Variants in IAH1 observed in about 807,000 individuals in gnomAD.
IAH1 encodes the protein isoamyl acetate-hydrolyzing esterase 1 homolog.
IAH1 carries 24 observed loss-of-function variants against 26.7 expected under a neutral mutation model. The observed-to-expected ratio is 0.90, with a 90% confidence interval of 0.65 to 1.26. IAH1 has a LOEUF of 1.26. IAH1 is among the 50% of genes most tolerant of loss of function. The pLI, the probability that IAH1 is intolerant of heterozygous loss-of-function variation, is 0.00. For missense variants in IAH1, 300 were observed against 299.9 expected (o/e 1.00, Z 0.00); for synonymous variants, 140 against 118.5 (o/e 1.18, Z -1.18).
chr2:9,484,480 C>A lies in IAH1; in HGVS notation c.494C>A (p.Ala165Glu), dbSNP rs375131640. 4 of 1,614,034 alleles carry A rather than the reference C, an allele frequency of 2.5e-6. No homozygotes were observed. The highest frequency in any genetic ancestry group is 2.5e-6 in the Non-Finnish European group (3 of 1,180,012). Residue 165 changes from alanine to glutamate, a missense_variant, in exon 5 of 6, where the codon GCG becomes GAG. By Grantham distance (107) the Ala-to-Glu change is moderately radical (BLOSUM62 -1). Transcript: ENST00000497473. ...TCTGTTGTTGGTGAATATGCCAATGCGTGTTTACAAGTGGCCCAAGACTGT... is the reference window on the plus strand; with the variant it reads ...TCTGTTGTTGGTGAATATGCCAATGAGTGTTTACAAGTGGCCCAAGACTGT... The part of the protein sequence containing the change: ...LNSVVGEYAN[A>E]CLQVAQDCGT...
At chr2:9,484,103 C>G (rs1332472817) in intron 4 of IAH1, among the ~76,000 whole-genome samples, 1 of 152,216 alleles carries the variant, frequency 6.6e-6, no homozygotes, top group Non-Finnish European at 1.5e-5. Context: ...CTGCAGCCGG[C>G]ACTCTCCAAG....
the IAH1 span, among the ~76,000 whole-genome samples, chr2:9,508,846 A>G: frequency 6.6e-6 from 1 of 152,208 alleles, no homozygotes. Flanking sequence ...AGGTTGGAAG[A>G]GTAGACAAAA....
chr2:9,492,768 C>CA (rs554850540), downstream of IAH1: 2 of 678,080 alleles, frequency 2.9e-6, no homozygotes, highest in Non-Finnish European at 4.7e-6. Context: ...GGAATAACAA[C>CA]AAAAAAAGCT....
chr2:9,508,739 C>A, the IAH1 span, among the ~76,000 whole-genome samples: 1 of 152,118 alleles, frequency 6.6e-6, no homozygotes, highest in African/African-American at 2.4e-5. Flanking sequence ...ATCCCCCGCC[C>A]CGCAGCAGAA....
At position 9,484,494 on chromosome 2, in the gene IAH1, G is replaced by T; in HGVS notation, c.508G>T (p.Ala170Ser). ...ATATGCCAATGCGTGTTTACAAGTG[G>T]CCCAAGACTGTGGGACTGACGTACT... ...GEYANACLQV[A>S]QDCGTDVLDL... Residue 170 changes from alanine to serine, a missense_variant, in exon 5 of 6, where the codon GCC becomes TCC. Transcript: ENST00000497473. 6.2e-7 allele frequency: 1 copy of T among 1,614,196 alleles called. No individual in the cohort carries two copies. Among genetic ancestry groups the T allele is most frequent in the Non-Finnish European group, 8.5e-7 (1 of 1,180,032 alleles).
downstream of IAH1, chr2:9,490,210 C>G (rs1662007729): frequency 1.1e-5 from 17 of 1,599,720 alleles, no homozygotes; most frequent in Non-Finnish European, 1.5e-5. Flanking sequence ...CAACACGATT[C>G]TGACGCTGCA....
the IAH1 span, chr2:9,502,285 G>T: frequency 4.4e-6 from 7 of 1,601,916 alleles, no homozygotes; most frequent in South Asian, 1.1e-5. Context: ...CACTGGAGAA[G>T]AACAGCAGAC....
At chr2:9,508,428 T>G in the IAH1 span, among the ~76,000 whole-genome samples, 1 of 152,198 alleles carries the variant, frequency 6.6e-6, no homozygotes, top group Non-Finnish European at 1.5e-5. Flanking sequence ...ACAACTTTAT[T>G]AAGACATATT....
At chr2:9,494,313 T>C (rs780737711), downstream of IAH1, among the ~76,000 whole-genome samples, 1 of 152,172 alleles carries the variant, frequency 6.6e-6, no homozygotes, top group South Asian at 2.1e-4. Flanking sequence ...CTGAATAATT[T>C]TGCAATCTTA....
chr2:9,475,205 C>T (rs1024518947), intron 1 of IAH1: 2 of 1,289,126 alleles, frequency 1.6e-6, no homozygotes, highest in African/African-American at 3.0e-5. Flanking sequence ...AGGGAACGGT[C>T]TTCTAAATGC....
At chr2:9,501,672 G>A in the IAH1 span, among the ~76,000 whole-genome samples, 1 of 152,116 alleles carries the variant, frequency 6.6e-6, no homozygotes, top group African/African-American at 2.4e-5. Context: ...CACTATTCCA[G>A]TGCATAGATT....
At chr2:9,507,416 C>T in the IAH1 span, among the ~76,000 whole-genome samples, 34,838 of 151,990 alleles carry the variant, frequency 0.23, 4,753 homozygotes, top group Middle Eastern at 0.32. Context: ...GCAGGAGAAT[C>T]GCTTGAACCT....
At chr2:9,493,506 A>G (rs1432054182), downstream of IAH1, among the ~76,000 whole-genome samples, 2 of 152,228 alleles carry the variant, frequency 1.3e-5, no homozygotes, top group African/African-American at 4.8e-5. Context: ...TGGGTAAAGA[A>G]GGAAGCCAGT....
chr2:9,497,604 AT>A (rs1662708432), downstream of IAH1, among the ~76,000 whole-genome samples: 1 of 152,204 alleles, frequency 6.6e-6, no homozygotes, highest in Non-Finnish European at 1.5e-5. Context: ...GGCCTTCCCT[AT>A]CTGGCCCTGA....
At chr2:9,477,424 C>T (rs1660873167) in intron 2 of IAH1, among the ~76,000 whole-genome samples, 1 of 152,100 alleles carries the variant, frequency 6.6e-6, no homozygotes, top group African/African-American at 2.4e-5. Flanking sequence ...GTGAAATGAG[C>T]CCATCCATCC....
chr2:9,486,876 T>C (rs1003273492), intron 5 of IAH1: 2 of 151,736 alleles, frequency 1.3e-5, no homozygotes, highest in African/African-American at 4.8e-5. Context: ...ACCCAGATTC[T>C]AACAGAGCTC....
downstream of IAH1, chr2:9,494,571 C>T (rs948821580): frequency 6.3e-7 from 1 of 1,578,196 alleles, no homozygotes; most frequent in South Asian, 1.1e-5. Context: ...TCTGCAAAAT[C>T]AAGTACTTAC....
exon 6 of IAH1, chr2:9,494,846 C>A: frequency 6.4e-7 from 1 of 1,551,480 alleles, no homozygotes; most frequent in Non-Finnish European, 8.8e-7. Flanking sequence ...CCTCCCTGAC[C>A]ATGCTCCCAA....
chr2:9,490,391 A>G, downstream of IAH1: 1 of 1,614,056 alleles, frequency 6.2e-7, no homozygotes, highest in Non-Finnish European at 8.5e-7. Flanking sequence ...CTGGTGGTCC[A>G]GTTTTGGAGC....
Sources: allele counts gnomAD v4.1 joint callset (sites outside exome capture counted in the v4.1 genomes callset), GRCh38; gene constraint gnomAD v4.1.1; transcripts MANE v1.5; gene names NCBI Gene and HGNC (gene_info 2026-07-23, HGNC 2026-07-21).